Variants in ST3GAL6 observed in about 807,000 individuals in gnomAD.
ST3GAL6 encodes ST3 beta-galactoside alpha-2,3-sialyltransferase 6.
In ST3GAL6, 31 loss-of-function variants were observed where a neutral mutation model predicts 40.5. The ratio of observed to expected loss-of-function variants is 0.77; its 90% CI spans 0.58 to 1.03. The LOEUF (loss-of-function observed/expected upper bound fraction) is 1.03. ST3GAL6 is among the 50% of genes least tolerant of loss of function. The pLI is 0.00. For missense variants in ST3GAL6, 357 were observed against 393.2 expected (o/e 0.91, Z 0.78); for synonymous variants, 129 against 136.9 (o/e 0.94, Z 0.40).
chr3:98,737,040 T>C (rs1030534466), intron 1 of ST3GAL6, among the ~76,000 whole-genome samples: 1 of 152,232 alleles, frequency 6.6e-6, no homozygotes, highest in African/African-American at 2.4e-5. Context: ...TGATAGGCTT[T>C]CCTGTCTCTT....
chr3:98,775,266 CG>C (rs1939421957), intron 5 of ST3GAL6, among the ~76,000 whole-genome samples: 1 of 151,970 alleles, frequency 6.6e-6, no homozygotes, highest in Non-Finnish European at 1.5e-5. Flanking sequence ...ATCGTGAGGT[CG>C]GAGTTCGAGA....
intron 1 of ST3GAL6, chr3:98,732,870 C>T: frequency 6.6e-7 from 1 of 1,512,956 alleles, no homozygotes; most frequent in Middle Eastern, 2.3e-4. Context: ...CCCGATGTGG[C>T]AGGCGCCGCG....
At chr3:98,770,781 C>A in intron 2 of ST3GAL6, 98 bp from the exon 3 acceptor site, 1 of 1,004,340 alleles carries the variant, frequency 1.0e-6, no homozygotes, top group Non-Finnish European at 1.6e-6. Context: ...GCCACAGAAC[C>A]TCTCAGTGGT....
chr3:98,769,813 A>G (rs1304552627), intron 2 of ST3GAL6, among the ~76,000 whole-genome samples: 3 of 133,556 alleles, frequency 2.2e-5, no homozygotes, highest in Non-Finnish European at 4.9e-5. Context: ...ATATCCTAAA[A>G]CTGTTTTCTA....
intron 5 of ST3GAL6, among the ~76,000 whole-genome samples, chr3:98,780,269 A>G (rs993928817): frequency 6.6e-6 from 1 of 152,226 alleles, no homozygotes; most frequent in Admixed American, 6.5e-5. Flanking sequence ...CTGTAGATAA[A>G]GTGTTATTGC....
chr3:98,792,130 C>T, intron 9 of ST3GAL6, 137 bp downstream of exon 9: 1 of 768,576 alleles, frequency 1.3e-6, no homozygotes, highest in Non-Finnish European at 1.9e-6. Flanking sequence ...ATGGTGATTA[C>T]AGGGCTACCA....
At chr3:98,751,274 A>G (rs541487033) in intron 1 of ST3GAL6, among the ~76,000 whole-genome samples, 1 of 152,162 alleles carries the variant, frequency 6.6e-6, no homozygotes, top group Non-Finnish European at 1.5e-5. Context: ...GTAATAAGTA[A>G]TAGTGGATAG....
chr3:98,776,092 G>T (rs983189656), intron 5 of ST3GAL6, among the ~76,000 whole-genome samples: 3 of 152,176 alleles, frequency 2.0e-5, no homozygotes, highest in African/African-American at 7.2e-5. Context: ...AAATAGATAA[G>T]AATATATTTA....
intron 1 of ST3GAL6, among the ~76,000 whole-genome samples, chr3:98,736,771 TG>T (rs565545599): frequency 3.4e-4 from 51 of 152,110 alleles, no homozygotes; most frequent in African/African-American, 1.1e-3. Context: ...TTATGTTTTA[TG>T]GGGGGCAGAG....
At position 98,768,476 on chromosome 3, in the gene ST3GAL6, T is replaced by G; in HGVS notation, c.36T>G (p.Ala12=). The G allele has an allele frequency of 6.2e-7, 1 of 1,613,984 alleles. No individual in the cohort carries two copies. The highest frequency in any genetic ancestry group is 8.5e-7 in the Non-Finnish European group (1 of 1,179,830). The change falls in exon 2 of 10, where the codon GCT becomes GCG. Residue 12 remains alanine (A), a synonymous_variant. Coordinates refer to ENST00000483910, the MANE Select transcript of ST3GAL6 (RefSeq NM_001323368.2). The part of the protein sequence containing the change: ...RGYLVAIFLS[A]VFLYYVLHCI... ...ATCTTGTGGCCATATTCCTGAGTGC[T>G]GTCTTCCTCTATTATGTACTGCATT...
chr3:98,778,770 C>G (rs1939793225), intron 5 of ST3GAL6, among the ~76,000 whole-genome samples: 1 of 152,206 alleles, frequency 6.6e-6, no homozygotes, highest in African/African-American at 2.4e-5. Context: ...CCAGAACTAG[C>G]AACCAGGTCT....
chr3:98,793,215 T>C (rs188757151), intron 9 of ST3GAL6, among the ~76,000 whole-genome samples: 5 of 152,332 alleles, frequency 3.3e-5, no homozygotes, highest in Admixed American at 6.5e-5. Flanking sequence ...AGCAGAATAT[T>C]AAAACAACTT....
At chr3:98,734,850 G>A (rs1261442849) in intron 1 of ST3GAL6, among the ~76,000 whole-genome samples, 1 of 152,160 alleles carries the variant, frequency 6.6e-6, no homozygotes, top group Non-Finnish European at 1.5e-5. Context: ...GTTTTCTTCT[G>A]TTGGAGACAT....
At chr3:98,749,040 G>A (rs1936776807) in intron 1 of ST3GAL6, among the ~76,000 whole-genome samples, 3 of 152,156 alleles carry the variant, frequency 2.0e-5, no homozygotes, top group South Asian at 4.1e-4. Flanking sequence ...TTGATGAACT[G>A]TAAACTGTTT....
chr3:98,736,228 T>C (rs1234028721), intron 1 of ST3GAL6, among the ~76,000 whole-genome samples: 1 of 152,168 alleles, frequency 6.6e-6, no homozygotes, highest in African/African-American at 2.4e-5. Flanking sequence ...CTTAAAAACA[T>C]TGGAAAGCTG....
In ST3GAL6 at chr3:98,746,771, G is replaced by T. The variant is rs184836597; in HGVS notation, c.-12+14239G>T. On this transcript the variant is annotated intron_variant, in intron 1 of 9. Transcript: ENST00000265261. ...TTACATATTATATGTATGTATTTTG[G>T]GGGCACATGTTATAGTTTGATACAT... is the stretch of plus-strand genomic sequence containing the variant. 4.0e-4 allele frequency among the ~76,000 whole-genome samples: 61 copies of T among 150,632 alleles called. No homozygotes were observed. The East Asian group carries it at 4.1e-3, about 10-fold the overall frequency.
intron 3 of ST3GAL6, among the ~76,000 whole-genome samples, chr3:98,772,035 A>C (rs1939054303): frequency 6.6e-6 from 1 of 152,252 alleles, no homozygotes; most frequent in African/African-American, 2.4e-5. Context: ...GTTGCAGACC[A>C]CAGGTTAAAA....
intron 1 of ST3GAL6, among the ~76,000 whole-genome samples, chr3:98,747,095 G>T (rs1936618157): frequency 6.6e-6 from 1 of 152,170 alleles, no homozygotes; most frequent in African/African-American, 2.4e-5. Flanking sequence ...TTCCTGTAAG[G>T]TTGTGCCTTG....
chr3:98,789,181 A>G (rs977540706), intron 8 of ST3GAL6, among the ~76,000 whole-genome samples: 5 of 152,222 alleles, frequency 3.3e-5, no homozygotes, highest in Non-Finnish European at 7.3e-5. Context: ...TTTTTAAAGT[A>G]GGGAAAAATC....
Sources: gnomAD v4.1 joint callset for allele counts (sites outside exome capture counted in the v4.1 genomes callset) on GRCh38, gnomAD v4.1.1 for gene constraint, MANE v1.5 for transcripts, NCBI Gene and HGNC (gene_info 2026-07-23, HGNC 2026-07-21) for gene names.